Variants in GPC3 observed in about 807,000 individuals in gnomAD.
The protein encoded by GPC3 is glypican-3.
GPC3 carries 3 observed loss-of-function variants against 34.4 expected under a neutral mutation model. The observed-to-expected ratio is 0.09, with a 90% CI of 0.04 to 0.23. The LOEUF is 0.23. Ranked by LOEUF, GPC3 falls within the 10% of genes least tolerant of loss-of-function variation. The probability of loss-of-function intolerance (pLI) is 1.00; values close to 1 mark genes in which losing one functional copy is unlikely to be tolerated. For missense variants in GPC3, 351 were observed against 445.6 expected, an observed-to-expected ratio of 0.79 and a Z score of 1.91; for synonymous variants, 177 against 174.0, an observed-to-expected ratio of 1.02 and a Z score of -0.13.
chrX:133,647,474 A>C (rs1329074755), intron 6 of GPC3, among the ~76,000 whole-genome samples: 1 of 112,842 alleles, frequency 8.9e-6, no homozygotes, highest in African/African-American at 3.2e-5. Flanking sequence ...ATGCTTGAGT[A>C]AAATGAACAA....
At chrX:133,973,573 C>G (rs886744805) in intron 1 of GPC3, among the ~76,000 whole-genome samples, 14 of 112,380 alleles carry the variant, frequency 1.2e-4, no homozygotes, top group Non-Finnish European at 2.6e-4. Flanking sequence ...AAGGCAATCT[C>G]TTAAACAACA....
chrX:133,788,372 G>A (rs750343001), intron 2 of GPC3, among the ~76,000 whole-genome samples: 2 of 108,926 alleles, frequency 1.8e-5, no homozygotes, highest in East Asian at 5.9e-4. Flanking sequence ...AAAAGATCCA[G>A]TTGTGGGATT....
At chrX:133,870,908 C>T (rs2124575334) in intron 2 of GPC3, among the ~76,000 whole-genome samples, 1 of 112,150 alleles carries the variant, frequency 8.9e-6, no homozygotes, top group Admixed American at 9.5e-5. Context: ...GCTTCTTCTT[C>T]AATCTCTCTG....
intron 7 of GPC3, among the ~76,000 whole-genome samples, chrX:133,542,668 A>G (rs1455842494): frequency 1.8e-5 from 2 of 112,382 alleles, no homozygotes; most frequent in Non-Finnish European, 3.8e-5. Context: ...CAATACTGCT[A>G]TCTCTGTGTT....
chrX:133,574,900 G>T (rs767002990), intron 7 of GPC3, among the ~76,000 whole-genome samples: 52 of 111,978 alleles, frequency 4.6e-4, no homozygotes, highest in African/African-American at 1.7e-3. Flanking sequence ...CTGCATGCTG[G>T]TCACTACTCT....
In GPC3 at chrX:133,985,443, C is replaced by G. The variant is rs746757085; in HGVS notation, c.7G>C (p.Gly3Arg). The stretch of plus-strand genomic sequence containing the variant: ...ACCAAGCACGCGGTGCGCACGGTCC[C>G]GGCCATCCTGCTTCGCAGGGAGCTA... MAGTVRTACLVVA... is the reference protein window; with the variant it reads MARTVRTACLVVA... Residue 3 changes from glycine to arginine, a missense_variant, in exon 1 of 8, where the codon GGG becomes CGG. Coordinates refer to ENST00000370818, the MANE Select transcript of GPC3 (RefSeq NM_004484.4). 8.5e-7 allele frequency: 1 copy of G among 1,170,222 alleles called. No homozygotes were observed. Among genetic ancestry groups the G allele is most frequent in the Non-Finnish European group, 1.1e-6 (1 of 874,789 alleles).
intron 2 of GPC3, among the ~76,000 whole-genome samples, chrX:133,907,753 C>G (rs771799530): frequency 9.0e-6 from 1 of 111,059 alleles, no homozygotes; most frequent in Non-Finnish European, 1.9e-5. Context: ...GCTTTTCTCC[C>G]CCCTGTATTC....
At chrX:133,671,396 A>G (rs1197381821) in intron 5 of GPC3, 2 of 518,970 alleles carry the variant, frequency 3.9e-6, no homozygotes, top group African/African-American at 4.7e-5. Context: ...AAGGGCTGCA[A>G]TATGTTATCT....
At chrX:133,775,498 C>G (rs759905304) in intron 2 of GPC3, among the ~76,000 whole-genome samples, 4 of 111,880 alleles carry the variant, frequency 3.6e-5, no homozygotes, top group Non-Finnish European at 7.5e-5. Flanking sequence ...GATAGCCTGG[C>G]CATCTTACTA....
At chrX:133,832,846 G>A (rs1303667472) in intron 2 of GPC3, among the ~76,000 whole-genome samples, 1 of 111,905 alleles carries the variant, frequency 8.9e-6, no homozygotes, top group East Asian at 2.8e-4. Context: ...TAATTTATGC[G>A]GCCTTGATTT....
intron 3 of GPC3, among the ~76,000 whole-genome samples, chrX:133,701,086 A>C (rs1188782977): frequency 9.0e-6 from 1 of 110,932 alleles, no homozygotes; most frequent in Non-Finnish European, 1.9e-5. Flanking sequence ...TCTCTCGCTA[A>C]AGCTGACCTC....
At chrX:133,767,993 A>T (rs1263646016) in intron 2 of GPC3, among the ~76,000 whole-genome samples, 1 of 111,077 alleles carries the variant, frequency 9.0e-6, no homozygotes, top group Non-Finnish European at 1.9e-5. Flanking sequence ...GATTAAGGTT[A>T]TAACCTGACA....
intron 5 of GPC3, among the ~76,000 whole-genome samples, chrX:133,670,606 G>A (rs1028494083): frequency 2.7e-5 from 3 of 111,900 alleles, no homozygotes; most frequent in African/African-American, 9.8e-5. Context: ...TTATGGACAC[G>A]ATTCAGTATT....
intron 2 of GPC3, among the ~76,000 whole-genome samples, chrX:133,783,563 G>T: frequency 8.9e-6 from 1 of 112,380 alleles, no homozygotes; most frequent in East Asian, 2.8e-4. Flanking sequence ...GCTAGCAAAA[G>T]CCCCTTTGGG....
intron 6 of GPC3, among the ~76,000 whole-genome samples, chrX:133,620,816 A>T (rs1382103568): frequency 8.9e-6 from 1 of 112,071 alleles, no homozygotes; most frequent in East Asian, 2.8e-4. Flanking sequence ...TAAGTGCTTC[A>T]ACCAATTGCC....
At chrX:133,857,908 T>A (rs1322337839) in intron 2 of GPC3, among the ~76,000 whole-genome samples, 4 of 111,554 alleles carry the variant, frequency 3.6e-5, no homozygotes, top group African/African-American at 1.3e-4. Flanking sequence ...TACTTATAGA[T>A]AAAGGGATAA....
intron 2 of GPC3, among the ~76,000 whole-genome samples, chrX:133,893,163 A>G (rs939037157): frequency 9.0e-6 from 1 of 111,427 alleles, no homozygotes; most frequent in African/African-American, 3.3e-5. Context: ...AGGCTGAGAC[A>G]GGAGAATCAC....
chrX:133,833,692 G>A (rs1389653541), intron 2 of GPC3, among the ~76,000 whole-genome samples: 1 of 112,327 alleles, frequency 8.9e-6, no homozygotes, highest in Non-Finnish European at 1.9e-5. Flanking sequence ...ACAGAAGCTA[G>A]AGGAATATGC....
intron 2 of GPC3, among the ~76,000 whole-genome samples, chrX:133,935,747 G>A (rs1010682148): frequency 2.7e-5 from 3 of 111,011 alleles, no homozygotes; most frequent in Non-Finnish European, 5.7e-5. Flanking sequence ...TATCATGTAA[G>A]GCACAGAAGA....
Sources: gnomAD v4.1 joint callset for allele counts (sites outside exome capture counted in the v4.1 genomes callset) on GRCh38, gnomAD v4.1.1 for gene constraint, MANE v1.5 for transcripts, NCBI Gene and HGNC (gene_info 2026-07-23, HGNC 2026-07-21) for gene names.